Variants in SLC9A8 observed in about 807,000 individuals in gnomAD.
SLC9A8 encodes the protein solute carrier family 9 member A8.
In SLC9A8, 48 loss-of-function variants were observed where a neutral mutation model predicts 66.6. The observed-to-expected ratio is 0.72, with a 90% CI of 0.57 to 0.92. SLC9A8 has a LOEUF of 0.92. Ranked by LOEUF, SLC9A8 falls within the 40% of genes least tolerant of loss-of-function variation. The pLI is 0.00. For missense variants in SLC9A8, 599 were observed against 747.3 expected, an observed-to-expected ratio of 0.80 and a Z score of 2.31; for synonymous variants, 274 against 282.6, an observed-to-expected ratio of 0.97 and a Z score of 0.31.
intron 7 of SLC9A8, among the ~76,000 whole-genome samples, chr20:49,853,205 A>G (rs989145100): frequency 6.6e-6 from 1 of 152,224 alleles, no homozygotes; most frequent in Non-Finnish European, 1.5e-5. Context: ...GTATAGTGGC[A>G]TGATCACAGC....
At position 49,888,264 on chromosome 20, in the gene SLC9A8, ACCCCTGCGGC is replaced by A. The variant is rs1162508207; in HGVS notation, c.*336_*345del. 9 of 300,112 alleles carry A rather than the reference ACCCCTGCGGC, an allele frequency of 3.0e-5. No individual in the cohort carries two copies. The highest frequency in any genetic ancestry group is 4.9e-5 in the Admixed American group (1 of 20,616). 18.6% of individuals were successfully genotyped at this position (300,112 alleles called of 1,614,324 possible). ...GGGCGCCTACCCCCCCACCCGGAGG[ACCCCTGCGGC>A]CCCCTGCCTAGAGGAGCACCATCTA... is the stretch of plus-strand genomic sequence containing the variant. On this transcript the variant is annotated 3_prime_UTR_variant, in exon 16 of 16. Coordinates refer to ENST00000361573, the MANE Select transcript of SLC9A8 (RefSeq NM_015266.3).
intron 13 of SLC9A8, among the ~76,000 whole-genome samples, chr20:49,881,458 A>G (rs2089623818): frequency 6.6e-6 from 1 of 152,188 alleles, no homozygotes; most frequent in Admixed American, 6.5e-5. Context: ...TTTAGTCACA[A>G]AGTTCTAGTA....
In SLC9A8 at chr20:49,862,918, T is replaced by A; in HGVS notation, c.714-11T>A. On this transcript the variant is annotated splice_polypyrimidine_tract_variant and intron_variant, in intron 8 of 15. Transcript: ENST00000361573. ...CATTTTAATTTATTTCTGTTTTCTT[T>A]CATTTCCTAGCACAGCTGAAGGTTT... The A allele has an allele frequency of 2.5e-6, 4 of 1,594,138 alleles. No homozygotes were observed. The highest frequency in any genetic ancestry group is 3.4e-6 in the Non-Finnish European group (4 of 1,169,806).
chr20:49,858,667 C>G (rs1000904522), intron 8 of SLC9A8, among the ~76,000 whole-genome samples: 3 of 151,792 alleles, frequency 2.0e-5, no homozygotes, highest in Admixed American at 1.3e-4. Flanking sequence ...CTTTGGAAAC[C>G]CAAGATGGGG....
chr20:49,839,937 T>G (rs149686415), intron 4 of SLC9A8, among the ~76,000 whole-genome samples: 7 of 152,296 alleles, frequency 4.6e-5, no homozygotes, highest in Non-Finnish European at 8.8e-5. Context: ...CCAATTCCAT[T>G]TTGACAACTG....
intron 8 of SLC9A8, among the ~76,000 whole-genome samples, chr20:49,858,133 T>A (rs1229877548): frequency 1.3e-5 from 2 of 152,184 alleles, no homozygotes; most frequent in Non-Finnish European, 2.9e-5. Flanking sequence ...TTGAACACAA[T>A]TGATAAAACA....
chr20:49,831,443 C>G (rs1477008823), intron 3 of SLC9A8, among the ~76,000 whole-genome samples: 1 of 152,108 alleles, frequency 6.6e-6, no homozygotes, highest in Non-Finnish European at 1.5e-5. Context: ...GTCTCTCTCT[C>G]TCTCACCCCA....
chr20:49,822,407 C>T (rs908250096), intron 2 of SLC9A8, among the ~76,000 whole-genome samples: 2 of 152,138 alleles, frequency 1.3e-5, no homozygotes, highest in Non-Finnish European at 2.9e-5. Context: ...TAATCACTTC[C>T]AAAAAGTTGA....
intron 3 of SLC9A8, among the ~76,000 whole-genome samples, chr20:49,832,459 C>G (rs889292539): frequency 8.5e-5 from 13 of 152,170 alleles, no homozygotes; most frequent in African/African-American, 3.1e-4. Context: ...TGCATAAGAA[C>G]AGGAAGTCAC....
intron 12 of SLC9A8, among the ~76,000 whole-genome samples, chr20:49,879,292 T>C (rs906951611): frequency 3.9e-5 from 6 of 152,268 alleles, no homozygotes; most frequent in Non-Finnish European, 7.4e-5. Context: ...TAAACTCAAT[T>C]TAGTGGTCAA....
intron 10 of SLC9A8, 134 bp from the exon 11 acceptor site, chr20:49,874,571 G>A: frequency 1.5e-6 from 1 of 679,784 alleles, no homozygotes; most frequent in Admixed American, 2.4e-5. Flanking sequence ...GCCTCTGGGA[G>A]GCTTCAGGAA....
chr20:49,885,428 C>T (rs1396145124), intron 14 of SLC9A8, among the ~76,000 whole-genome samples: 11 of 152,198 alleles, frequency 7.2e-5, no homozygotes, highest in East Asian at 1.9e-4. Context: ...TGGGCTCAAG[C>T]GATCCTCCCA....
rs2090014079 is a variant in SLC9A8 at position 49,890,409 on chromosome 20, G to A, written c.*2473G>A. ...AGCTTAACTATATCTTCCTGCGTGT[G>A]TATTTATTTTCTTCTGGGTCTAGGC... On this transcript the variant is annotated 3_prime_UTR_variant, in exon 16 of 16. Transcript: ENST00000361573. The A allele has an allele frequency of 6.6e-6, 1 of 152,208 alleles. No individual in the cohort carries two copies. Among genetic ancestry groups the A allele is most frequent in the South Asian group, 2.1e-4 (1 of 4,830 alleles). The allele number at this position is 152,208 out of a possible 1,614,324, so 9.4% of individuals were successfully genotyped here.
intron 3 of SLC9A8, among the ~76,000 whole-genome samples, chr20:49,834,314 G>GTATA (rs562963031): frequency 1.3e-4 from 10 of 75,262 alleles, no homozygotes; most frequent in Non-Finnish European, 1.1e-4. Flanking sequence ...TATACAGTGT[G>GTATA]TATATATATA....
chr20:49,880,938 T>G lies in SLC9A8; in HGVS notation c.1173T>G (p.Phe391Leu), dbSNP rs745568325. 6.2e-7 allele frequency: 1 copy of G among 1,612,628 alleles called. No homozygotes were observed. The highest frequency in any genetic ancestry group is 8.5e-7 in the Non-Finnish European group (1 of 1,178,604). The change falls in exon 13 of 16, where the codon TTT becomes TTG. Residue 391 changes from phenylalanine to leucine, a missense_variant. Transcript: ENST00000361573. Reference sequence around the variant, plus strand: ...GCTATCAACAGGTGCTTGTACTATTTGGCAGAGCGGTAAACATTTTCCCTC... The same window carrying G: ...GCTATCAACAGGTGCTTGTACTATTGGGCAGAGCGGTAAACATTTTCCCTC... ...FVIWCIVLVL[F>L]GRAVNIFPLS...
Position 49,845,072 on chromosome 20 carries a change from C to G in SLC9A8, c.385C>G (p.Leu129Val), listed in dbSNP as rs775112398. 1.9e-6 allele frequency: 3 copies of G among 1,613,266 alleles called. No homozygotes were observed. Among genetic ancestry groups the G allele is most frequent in the Admixed American group, 1.7e-5 (1 of 59,990 alleles). Residue 129 changes from leucine (L) to valine (V), a missense_variant, in exon 5 of 16, where the codon CTC (leucine) becomes GTC (valine). Around this residue, in one of 2 missense-constraint regions of SLC9A8, gnomAD observed 467 missense variants for 626.5 expected, o/e 0.75. Transcript: ENST00000361573. ...GTTTCGTCCAAACATGTTTTTCCTC[C>G]TCCTGCTTCCCCCTATTATCTTTGA... ...EMFRPNMFFL[L>V]LLPPIIFESG...
intron 4 of SLC9A8, 23 bp from the exon 5 acceptor site, chr20:49,845,013 A>C (rs780395096): frequency 3.9e-6 from 6 of 1,540,716 alleles, no homozygotes; most frequent in Non-Finnish European, 5.4e-6. Context: ...CATGCCCTTA[A>C]GATACTCATT....
intron 5 of SLC9A8, 111 bp downstream of exon 5, chr20:49,845,230 G>A: frequency 2.6e-6 from 2 of 764,422 alleles, no homozygotes; most frequent in South Asian, 1.5e-5. Context: ...CAGCAGCTCT[G>A]CTCCTTCCTG....
At chr20:49,830,688 G>A in intron 3 of SLC9A8, 1 of 672,036 alleles carries the variant, frequency 1.5e-6, no homozygotes. Context: ...CCAGGCGATA[G>A]GGAAGACCTC....
Sources: gnomAD v4.1 joint callset for allele counts (sites outside exome capture counted in the v4.1 genomes callset) on GRCh38, gnomAD v4.1.1 for gene constraint, gnomAD v4.1.1 regional missense constraint, MANE v1.5 for transcripts, NCBI Gene and HGNC (gene_info 2026-07-23, HGNC 2026-07-21) for gene names.